The following EEFSEC variants were observed in gnomAD, a reference collection of about 807,000 sequenced individuals.
EEFSEC encodes the protein eukaryotic elongation factor, selenocysteine-tRNA specific.
Under a neutral mutation model 42.1 loss-of-function variants are expected in EEFSEC, and 43 were observed. That is an observed-to-expected ratio of 1.02 (90% CI 0.80 to 1.32). EEFSEC has a LOEUF of 1.32. EEFSEC is among the 40% of genes most tolerant of loss of function. The pLI, the probability that EEFSEC is intolerant of heterozygous loss-of-function variation, is 0.00. For synonymous variants in EEFSEC, 354 were observed against 339.1 expected, an observed-to-expected ratio of 1.04 and a Z score of -0.48; for missense variants, 745 against 803.6, an observed-to-expected ratio of 0.93 and a Z score of 0.88.
intron 1 of EEFSEC, among the ~76,000 whole-genome samples, chr3:128,210,303 G>A (rs1025157632): frequency 6.6e-6 from 1 of 152,182 alleles, no homozygotes; most frequent in African/African-American, 2.4e-5. Context: ...TGGCAGAGAG[G>A]CAGATTGAGT....
At chr3:128,265,605 T>A (rs1313576844) in intron 4 of EEFSEC, among the ~76,000 whole-genome samples, 1 of 152,178 alleles carries the variant, frequency 6.6e-6, no homozygotes, top group African/African-American at 2.4e-5. Context: ...CTCTAATCCT[T>A]GAAGGAGCCT....
intron 5 of EEFSEC, 69 bp from the exon 6 acceptor site, chr3:128,358,148 C>T (rs757001891): frequency 1.0e-5 from 16 of 1,565,610 alleles, no homozygotes; most frequent in Non-Finnish European, 1.4e-5. Context: ...TGGGGCTAGG[C>T]ACACAGTCAC....
intron 4 of EEFSEC, among the ~76,000 whole-genome samples, chr3:128,313,904 C>T (rs575659666): frequency 2.0e-5 from 3 of 152,320 alleles, no homozygotes; most frequent in African/African-American, 7.2e-5. Flanking sequence ...CCTAGGCAGC[C>T]ACTGCTGCTG....
At chr3:128,363,972 G>C (rs2067558582) in intron 6 of EEFSEC, among the ~76,000 whole-genome samples, 1 of 152,106 alleles carries the variant, frequency 6.6e-6, no homozygotes, top group African/African-American at 2.4e-5. Context: ...CCTAGGAACA[G>C]AGCTTGGGGG....
intron 1 of EEFSEC, among the ~76,000 whole-genome samples, chr3:128,209,671 A>G (rs1417639925): frequency 6.6e-6 from 1 of 152,280 alleles, no homozygotes; most frequent in Non-Finnish European, 1.5e-5. Context: ...TTGCAAAAGT[A>G]GAATAAACAC....
At chr3:128,204,964 C>T (rs374188656) in intron 1 of EEFSEC, among the ~76,000 whole-genome samples, 34 of 152,262 alleles carry the variant, frequency 2.2e-4, no homozygotes, top group East Asian at 1.2e-3. Flanking sequence ...TGCTGCGTGA[C>T]GGGCTTCCCT....
intron 2 of EEFSEC, among the ~76,000 whole-genome samples, chr3:128,259,038 A>T (rs1311240206): frequency 6.6e-6 from 1 of 152,116 alleles, no homozygotes; most frequent in Non-Finnish European, 1.5e-5. Context: ...AACTTTTAGG[A>T]CCCTCTTCTA....
intron 4 of EEFSEC, among the ~76,000 whole-genome samples, chr3:128,279,536 T>A (rs554627511): frequency 6.6e-6 from 1 of 152,218 alleles, no homozygotes; most frequent in Admixed American, 6.5e-5. Flanking sequence ...CCTGCACCCT[T>A]CAGGGGCCCT....
At chr3:128,209,693 C>T (rs2065736051) in intron 1 of EEFSEC, among the ~76,000 whole-genome samples, 1 of 152,198 alleles carries the variant, frequency 6.6e-6, no homozygotes. Context: ...CGTATGTACA[C>T]AAGTACACAT....
rs374881035 is a variant in EEFSEC at position 128,201,629 on chromosome 3, T to C, written c.317-45207T>C. Among the ~76,000 whole-genome samples, 25 of 152,366 alleles carry C rather than the reference T, an allele frequency of 1.6e-4. No homozygotes were observed. In the East Asian group the frequency reaches 4.6e-3, roughly 28 times the overall value. On this transcript the variant is annotated intron_variant, in intron 1 of 6. Transcript: ENST00000254730. Reference sequence around the variant, plus strand: ...ACTTATCAGTCCTTTGTCAGATATATGTGTCGTGAATACCTTCTGACAATT... The same window carrying C: ...ACTTATCAGTCCTTTGTCAGATATACGTGTCGTGAATACCTTCTGACAATT...
chr3:128,408,840 T>C (rs2068153481), downstream of EEFSEC, among the ~76,000 whole-genome samples: 1 of 152,150 alleles, frequency 6.6e-6, no homozygotes, highest in Non-Finnish European at 1.5e-5. Context: ...CCTGGGGCGC[T>C]CTGGGCCTTC....
Position 128,282,364 on chromosome 3 carries a change from C to T in EEFSEC, c.786+17583C>T, listed in dbSNP as rs748044218. Among the ~76,000 whole-genome samples, 7 of 152,350 alleles carry T rather than the reference C, an allele frequency of 4.6e-5. No individual in the cohort carries two copies. In the Middle Eastern group the frequency reaches 0.017, roughly 370 times the overall value. On this transcript the variant is annotated intron_variant, in intron 4 of 6. Transcript: ENST00000254730. The stretch of plus-strand genomic sequence containing the variant: ...TGTGCACCATGGATGTTTGGCTTGA[C>T]CAAATTTGTTTGCTTAAGCATTGCT...
At chr3:128,250,928 TTAGCAATG>T in intron 2 of EEFSEC, among the ~76,000 whole-genome samples, 1 of 150,832 alleles carries the variant, frequency 6.6e-6, no homozygotes, top group Non-Finnish European at 1.5e-5. Flanking sequence ...TTTTTTTTTT[TTAGCAATG>T]TTTTGTAGTT....
intron 1 of EEFSEC, among the ~76,000 whole-genome samples, chr3:128,217,361 C>T (rs1276629192): frequency 6.6e-6 from 1 of 152,138 alleles, no homozygotes; most frequent in Non-Finnish European, 1.5e-5. Context: ...CAAGGGTCCA[C>T]CATGTGCTCA....
chr3:128,284,432 G>A (rs2066561704), intron 4 of EEFSEC, among the ~76,000 whole-genome samples: 1 of 152,012 alleles, frequency 6.6e-6, no homozygotes, highest in African/African-American at 2.4e-5. Flanking sequence ...GGGCCTTGGG[G>A]GCCTGCCCAG....
intron 1 of EEFSEC, among the ~76,000 whole-genome samples, chr3:128,174,519 A>G (rs2065329188): frequency 6.6e-6 from 1 of 152,232 alleles, no homozygotes; most frequent in African/African-American, 2.4e-5. Flanking sequence ...GACTGCCTCA[A>G]AGAACTTCCC....
chr3:128,279,386 C>G (rs938201639), intron 4 of EEFSEC, among the ~76,000 whole-genome samples: 2 of 152,250 alleles, frequency 1.3e-5, no homozygotes, highest in Non-Finnish European at 2.9e-5. Flanking sequence ...ATGCCAATAG[C>G]ACCCTCTCCC....
chr3:128,351,050 C>T (rs1408396121), intron 5 of EEFSEC, among the ~76,000 whole-genome samples: 1 of 152,160 alleles, frequency 6.6e-6, no homozygotes, highest in African/African-American at 2.4e-5. Context: ...CTGAGTTCTT[C>T]CCATTCCTCA....
intron 1 of EEFSEC, among the ~76,000 whole-genome samples, chr3:128,160,786 G>A (rs1260817147): frequency 2.0e-5 from 3 of 152,052 alleles, no homozygotes; most frequent in African/African-American, 7.3e-5. Flanking sequence ...TAATTCCACT[G>A]TGTGCGCACA....
Sources: allele counts gnomAD v4.1 joint callset (sites outside exome capture counted in the v4.1 genomes callset), GRCh38; gene constraint gnomAD v4.1.1; transcripts MANE v1.5; gene names NCBI Gene and HGNC (gene_info 2026-07-23, HGNC 2026-07-21).